The following ZBTB20 variants were observed in gnomAD, a reference collection of about 807,000 sequenced individuals.
ZBTB20 encodes zinc finger and BTB domain containing 20.
A neutral mutation model predicts 56.9 loss-of-function variants in ZBTB20; 9 were observed. The ratio of observed to expected loss-of-function variants is 0.16; its 90% confidence interval spans 0.10 to 0.28. ZBTB20 has a LOEUF of 0.28. ZBTB20 is among the 10% of genes least tolerant of loss of function. ZBTB20 has a pLI of 1.00. For synonymous variants in ZBTB20, 417 were observed against 420.7 expected (o/e 0.99, Z 0.11); for missense variants, 655 against 1,003.0 (o/e 0.65, Z 4.69).
At position 114,490,935 on chromosome 3, in the gene ZBTB20, CT is replaced by C. The variant is rs1168842467; in HGVS notation, c.-255+9416del. ...AAGAAAGAAAAGGAATGACATCGGT[CT>C]CCTGGTCCTTGCAAAGGTTATTCAA... is the stretch of plus-strand genomic sequence containing the variant. On this transcript the variant is annotated intron_variant, in intron 7 of 11. Coordinates refer to ENST00000675478, the MANE Select transcript of ZBTB20 (RefSeq NM_001348800.3). 2.6e-5 allele frequency among the ~76,000 whole-genome samples: 4 copies of C among 152,298 alleles called. No individual in the cohort carries two copies. In the East Asian group the frequency reaches 7.7e-4, roughly 29 times the overall value.
At chr3:114,450,824 C>G (rs553154883) in intron 7 of ZBTB20, among the ~76,000 whole-genome samples, 2 of 151,990 alleles carry the variant, frequency 1.3e-5, no homozygotes, top group Admixed American at 1.3e-4. Context: ...AACATCGGCA[C>G]AATTCATCTG....
chr3:114,450,194 C>T (rs1339232736), intron 7 of ZBTB20, among the ~76,000 whole-genome samples: 1 of 152,166 alleles, frequency 6.6e-6, no homozygotes, highest in East Asian at 1.9e-4. Flanking sequence ...TTACCTGTGG[C>T]CATTCAGAAG....
chr3:114,923,558 C>A (rs1441461373), intron 3 of ZBTB20, among the ~76,000 whole-genome samples: 1 of 152,054 alleles, frequency 6.6e-6, no homozygotes, highest in Non-Finnish European at 1.5e-5. Flanking sequence ...TTGCACTGTA[C>A]ACAAAAATTA....
At chr3:114,654,851 T>G (rs1460362187) in intron 6 of ZBTB20, among the ~76,000 whole-genome samples, 1 of 152,222 alleles carries the variant, frequency 6.6e-6, no homozygotes, top group African/African-American at 2.4e-5. Flanking sequence ...TGTTTATGAC[T>G]TATGCATTCA....
chr3:114,871,016 G>C (rs2075983036), intron 4 of ZBTB20, among the ~76,000 whole-genome samples: 2 of 151,360 alleles, frequency 1.3e-5, no homozygotes, highest in South Asian at 4.2e-4. Flanking sequence ...TTGACACCTA[G>C]CTGGCATGAA....
intron 5 of ZBTB20, among the ~76,000 whole-genome samples, chr3:114,798,358 A>C (rs569206138): frequency 1.3e-5 from 2 of 151,142 alleles, no homozygotes; most frequent in African/African-American, 4.9e-5. Context: ...ACAAAAAAAA[A>C]CACACAAAAA....
intron 5 of ZBTB20, among the ~76,000 whole-genome samples, chr3:114,720,477 T>C (rs1471080470): frequency 6.6e-6 from 1 of 151,990 alleles, no homozygotes; most frequent in Non-Finnish European, 1.5e-5. Context: ...ACAGAGGAAA[T>C]AGAATCCATT....
intron 7 of ZBTB20, among the ~76,000 whole-genome samples, chr3:114,488,488 T>C (rs181264221): frequency 6.6e-6 from 1 of 152,222 alleles, no homozygotes; most frequent in Non-Finnish European, 1.5e-5. Context: ...ATGTATTTTT[T>C]AAAAAGTTTT....
chr3:114,569,166 G>C (rs1292546909), intron 6 of ZBTB20, among the ~76,000 whole-genome samples: 3 of 152,156 alleles, frequency 2.0e-5, no homozygotes, highest in Non-Finnish European at 4.4e-5. Context: ...GATTTTAAGA[G>C]TCAAATGAAG....
At chr3:114,889,137 T>G (rs1376792241) in intron 4 of ZBTB20, among the ~76,000 whole-genome samples, 1 of 151,918 alleles carries the variant, frequency 6.6e-6, no homozygotes, top group Non-Finnish European at 1.5e-5. Context: ...TCACACATTT[T>G]TACCCTAATG....
intron 5 of ZBTB20, among the ~76,000 whole-genome samples, chr3:114,697,743 G>C (rs917390189): frequency 6.6e-6 from 1 of 151,960 alleles, no homozygotes; most frequent in East Asian, 1.9e-4. Flanking sequence ...AAAGGAGCAG[G>C]AGAGGGAGGG....
chr3:114,379,908 TA>T (rs2084106535), intron 10 of ZBTB20, among the ~76,000 whole-genome samples: 1 of 152,222 alleles, frequency 6.6e-6, no homozygotes, highest in South Asian at 2.1e-4. Context: ...GAAGTGCCAT[TA>T]TCCAGATCAA....
At position 115,043,334 on chromosome 3, in the gene ZBTB20, G is replaced by A. The variant is rs972539206; in HGVS notation, c.-507+27885C>T. Among the ~76,000 whole-genome samples the A allele has an allele frequency of 1.9e-4, 29 of 151,836 alleles. No individual in the cohort carries two copies. The Middle Eastern group carries it at 0.014, about 71-fold the overall frequency. On this transcript the variant is annotated intron_variant, in intron 2 of 11. Coordinates refer to ENST00000675478, the MANE Select transcript of ZBTB20 (RefSeq NM_001348800.3). ...AGCACTCTGGGAGGCCAAGGTGGGC[G>A]GATCACTTGAGGTCAGGAGTTTGAA...
chr3:115,070,263 C>G (rs1416661320), intron 2 of ZBTB20, among the ~76,000 whole-genome samples: 1 of 151,972 alleles, frequency 6.6e-6, no homozygotes, highest in Non-Finnish European at 1.5e-5. Context: ...TTTAGCAACT[C>G]ACCTTTAAAA....
intron 3 of ZBTB20, among the ~76,000 whole-genome samples, chr3:114,911,942 A>C (rs1350626980): frequency 6.6e-6 from 1 of 151,814 alleles, no homozygotes; most frequent in Non-Finnish European, 1.5e-5. Flanking sequence ...AGAGATCCCA[A>C]ACAGGAATGC....
chr3:114,330,646 CA>C lies in ZBTB20; in HGVS notation c.*8358del, dbSNP rs1560073442. On this transcript the variant is annotated 3_prime_UTR_variant, in exon 12 of 12. Coordinates refer to ENST00000675478, the MANE Select transcript of ZBTB20 (RefSeq NM_001348800.3). ...TATACATTTTAAAAAGTAATAACGA[CA>C]AAAAAGTTGCAACTGTAAGTAGCCT... 1.3e-5 allele frequency: 2 copies of C among 152,034 alleles called. No homozygotes were observed. The highest frequency in any genetic ancestry group is 2.1e-4 in the South Asian group (1 of 4,818). The allele number at this position is 152,034 out of a possible 1,614,324, so 9.4% of individuals were successfully genotyped here.
intron 6 of ZBTB20, among the ~76,000 whole-genome samples, chr3:114,520,822 T>G (rs1296020433): frequency 2.6e-5 from 4 of 152,182 alleles, no homozygotes; most frequent in Admixed American, 2.6e-4. Flanking sequence ...AACTCATCTT[T>G]TCCTTCAAAC....
At chr3:114,854,595 A>G (rs576704900) in intron 4 of ZBTB20, among the ~76,000 whole-genome samples, 1 of 152,348 alleles carries the variant, frequency 6.6e-6, no homozygotes, top group Admixed American at 6.5e-5. Flanking sequence ...GGAGTCAGAC[A>G]GACCTGGTTT....
intron 5 of ZBTB20, among the ~76,000 whole-genome samples, chr3:114,749,568 A>AAAGG (rs71146333): frequency 0.066 from 8,969 of 135,856 alleles, 577 homozygotes; most frequent in African/African-American, 0.17. Flanking sequence ...GAAAGAAAGA[A>AAAGG]AAGGAAGGAA....
Sources: gnomAD v4.1 joint callset for allele counts (sites outside exome capture counted in the v4.1 genomes callset) on GRCh38, gnomAD v4.1.1 for gene constraint, MANE v1.5 for transcripts, NCBI Gene and HGNC (gene_info 2026-07-23, HGNC 2026-07-21) for gene names.